Variants in CCDC7 observed in about 807,000 individuals in gnomAD.
CCDC7 encodes coiled-coil domain-containing protein 7.
CCDC7 carries 183 observed loss-of-function variants against 196.9 expected under a neutral mutation model. The ratio of observed to expected loss-of-function variants is 0.93; its 90% CI spans 0.82 to 1.05. The LOEUF is 1.05. Ranked by LOEUF, CCDC7 falls within the 50% of genes least tolerant of loss-of-function variation. The pLI, the probability that CCDC7 is intolerant of heterozygous loss-of-function variation, is 0.00. For synonymous variants in CCDC7, 525 were observed against 484.6 expected (o/e 1.08, Z -1.10); for missense variants, 1,540 against 1,482.2 (o/e 1.04, Z -0.64).
intron 13 of CCDC7, 35 bp downstream of exon 14, chr10:32,544,336 G>A (rs1293998816): frequency 6.3e-7 from 1 of 1,579,976 alleles, no homozygotes; most frequent in Non-Finnish European, 8.6e-7. Context: ...ATCAATATTT[G>A]ATTAATACTT....
intron 13 of CCDC7, among the ~76,000 whole-genome samples, chr10:32,549,209 T>G (rs1442198866): frequency 6.6e-6 from 1 of 152,236 alleles, no homozygotes; most frequent in African/African-American, 2.4e-5. Context: ...TTTGTATATC[T>G]TCTTTTGAGA....
At chr10:32,447,483 T>G (rs1283788908), upstream of CCDC7, among the ~76,000 whole-genome samples, 1 of 152,244 alleles carries the variant, frequency 6.6e-6, no homozygotes, top group African/African-American at 2.4e-5. Context: ...TCTTTGGCAA[T>G]GTAATTTATT....
rs1270078402 is a variant in CCDC7, at chr10:32,810,011, AATGTGGC to A, written c.3098-4357_3098-4351del. The stretch of plus-strand genomic sequence containing the variant: ...TATCAGTGATAGACTGGATTAAGAA[AATGTGGC>A]ACATATACACCATGGATGTGGAAAC... On this transcript the variant is annotated intron_variant, in intron 30 of 41. Coordinates refer to ENST00000639629, the Ensembl canonical transcript of CCDC7. Among the ~76,000 whole-genome samples, 5 of 152,310 alleles carry A rather than the reference AATGTGGC, an allele frequency of 3.3e-5. No individual in the cohort carries two copies. The East Asian group carries it at 9.6e-4, about 29-fold the overall frequency.
chr10:32,616,636 C>G (rs2062805596), intron 18 of CCDC7, among the ~76,000 whole-genome samples: 1 of 150,446 alleles, frequency 6.6e-6, no homozygotes, highest in Non-Finnish European at 1.5e-5. Flanking sequence ...TTCCTCATTT[C>G]TAATTTCGGT....
At chr10:32,494,002 A>G (rs2042528558) in intron 9 of CCDC7, among the ~76,000 whole-genome samples, 2 of 151,932 alleles carry the variant, frequency 1.3e-5, no homozygotes, top group Admixed American at 6.6e-5. Context: ...TCTTTATTCC[A>G]TTGATTGTTT....
Position 32,594,171 on chromosome 10 carries a change from T to C in CCDC7, c.1801+9867T>C, listed in dbSNP as rs551655499. On this transcript the variant is annotated intron_variant, in intron 18 of 41. Coordinates refer to ENST00000639629, the Ensembl canonical transcript of CCDC7. ...GCCATTTTCACGATATTGATTCTTC[T>C]TATCCATGAGCATGGAATGTTCTTC... 3.4e-3 allele frequency among the ~76,000 whole-genome samples: 514 copies of C among 152,292 alleles called. 5 individuals are homozygous for C. Among genetic ancestry groups the C allele is most frequent in the African/African-American group, 0.012 (486 of 41,576 alleles).
chr10:32,511,261 C>CGGGGTG lies in CCDC7; in HGVS notation c.873-6680_873-6679insTGGGGG. 7.9e-6 allele frequency: 3 copies of CGGGGTG among 380,450 alleles called. No homozygotes were observed. The East Asian group carries it at 1.3e-4, about 16-fold the overall frequency. 23.6% of individuals were successfully genotyped at this position (380,450 alleles called of 1,614,324 possible). On this transcript the variant is annotated intron_variant, in intron 9 of 41. Coordinates refer to ENST00000639629, the Ensembl canonical transcript of CCDC7. ...TGCCACAGAATTATTCTGTGGGGGG[C>CGGGGTG]GGGGGGGGCGGGGAAATGTACTTTT...
intron 41 of CCDC7, among the ~76,000 whole-genome samples, chr10:32,869,811 G>C (rs2094356925): frequency 1.2e-5 from 1 of 80,152 alleles, no homozygotes; most frequent in South Asian, 3.7e-4. Context: ...ATTAAATAGG[G>C]AATCGTTTCC....
intron 11 of CCDC7, among the ~76,000 whole-genome samples, chr10:32,528,020 T>C (rs2048936563): frequency 6.6e-6 from 1 of 152,168 alleles, no homozygotes; most frequent in South Asian, 2.1e-4. Flanking sequence ...TCTCATCATC[T>C]ACCTCCCTGC....
intron 24 of CCDC7, 83 bp downstream of exon 25, chr10:32,695,075 T>G: frequency 1.6e-6 from 1 of 623,742 alleles, no homozygotes; most frequent in East Asian, 3.1e-5. Flanking sequence ...GACTATGTAG[T>G]TGAGCATATA....
At chr10:32,822,413 A>T (rs1280458035) in intron 31 of CCDC7, among the ~76,000 whole-genome samples, 3 of 152,202 alleles carry the variant, frequency 2.0e-5, no homozygotes, top group African/African-American at 7.2e-5. Flanking sequence ...TGGATGATAA[A>T]TACAGAGCAA....
intron 16 of CCDC7, among the ~76,000 whole-genome samples, chr10:32,576,299 G>C (rs2058173820): frequency 1.5e-5 from 1 of 68,586 alleles, no homozygotes; most frequent in African/African-American, 3.2e-5. Flanking sequence ...AAGCAAAGGG[G>C]GTTAAAAAAA....
intron 11 of CCDC7, among the ~76,000 whole-genome samples, chr10:32,532,906 C>G (rs1481495999): frequency 6.6e-6 from 1 of 151,946 alleles, no homozygotes; most frequent in Non-Finnish European, 1.5e-5. Flanking sequence ...TGTTTCTTTA[C>G]TCATTCAGCC....
intron 25 of CCDC7, among the ~76,000 whole-genome samples, chr10:32,714,857 C>G (rs2081351155): frequency 6.6e-6 from 1 of 152,240 alleles, no homozygotes; most frequent in Non-Finnish European, 1.5e-5. Flanking sequence ...GATTCCTCCT[C>G]TCTGGGCAGG....
intron 18 of CCDC7, among the ~76,000 whole-genome samples, chr10:32,604,364 T>G (rs925963475): frequency 2.6e-4 from 40 of 152,170 alleles, no homozygotes; most frequent in Non-Finnish European, 8.8e-5. Context: ...TGAAGTCAGG[T>G]AGTGTGATGC....
chr10:32,455,042 G>A (rs887809937), intron 2 of CCDC7, among the ~76,000 whole-genome samples: 1 of 152,026 alleles, frequency 6.6e-6, no homozygotes, highest in Non-Finnish European at 1.5e-5. Context: ...GTCTCATTTG[G>A]TTACATTATA....
intron 21 of CCDC7, among the ~76,000 whole-genome samples, chr10:32,685,153 T>G (rs2076321363): frequency 6.6e-6 from 1 of 151,732 alleles, no homozygotes; most frequent in Non-Finnish European, 1.5e-5. Flanking sequence ...CCTTTCTTTC[T>G]TTTTTTTAAT....
intron 9 of CCDC7, among the ~76,000 whole-genome samples, chr10:32,504,156 C>T (rs370703554): frequency 8.5e-4 from 93 of 108,938 alleles, no homozygotes; most frequent in African/African-American, 2.9e-3. Flanking sequence ...TTTGCTCTGT[C>T]GCCCAGGCTG....
At chr10:32,487,731 G>A (rs147430805) in intron 8 of CCDC7, among the ~76,000 whole-genome samples, 2,968 of 152,324 alleles carry the variant, frequency 0.019, 102 homozygotes, top group African/African-American at 0.067. Flanking sequence ...CAGGTCTGTT[G>A]GAGTTTGCTG....
Sources: gnomAD v4.1 joint callset for allele counts (sites outside exome capture counted in the v4.1 genomes callset) on GRCh38, gnomAD v4.1.1 for gene constraint, MANE v1.5 for transcripts, NCBI Gene and HGNC (gene_info 2026-07-23, HGNC 2026-07-21) for gene names.